The following FSTL5 variants were observed in gnomAD, a reference collection of about 807,000 sequenced individuals.
The protein encoded by FSTL5 is follistatin like 5.
A neutral mutation model predicts 89.1 loss-of-function variants in FSTL5; 62 were observed. The ratio of observed to expected loss-of-function variants is 0.70; its 90% CI spans 0.57 to 0.86. FSTL5 has a LOEUF of 0.86. Among genes scored for constraint, FSTL5 ranks in the 40% least tolerant of loss-of-function variants. The pLI, the probability that FSTL5 is intolerant of heterozygous loss-of-function variation, is 0.00. For synonymous variants in FSTL5, 383 were observed against 346.2 expected, an observed-to-expected ratio of 1.11 and a Z score of -1.18; for missense variants, 1,057 against 1,001.6, an observed-to-expected ratio of 1.06 and a Z score of -0.75.
At chr4:161,740,402 T>C (rs1386125055) in intron 6 of FSTL5, among the ~76,000 whole-genome samples, 1 of 152,098 alleles carries the variant, frequency 6.6e-6, no homozygotes, top group Non-Finnish European at 1.5e-5. Context: ...TTTTATATAC[T>C]ATCTAATTTG....
intron 15 of FSTL5, among the ~76,000 whole-genome samples, chr4:161,454,403 G>A (rs899020032): frequency 6.6e-6 from 1 of 152,120 alleles, no homozygotes; most frequent in African/African-American, 2.4e-5. Context: ...TTTATAACTA[G>A]AAGTTAATAT....
At chr4:161,531,599 T>C (rs990804196) in intron 10 of FSTL5, among the ~76,000 whole-genome samples, 6 of 152,200 alleles carry the variant, frequency 3.9e-5, no homozygotes, top group African/African-American at 1.4e-4. Flanking sequence ...CGGACTAAAG[T>C]GTAGCTTCTG....
chr4:162,084,918 A>G (rs1484059985), intron 2 of FSTL5, among the ~76,000 whole-genome samples: 1 of 152,128 alleles, frequency 6.6e-6, no homozygotes, highest in African/African-American at 2.4e-5. Context: ...AACTTAAAGT[A>G]TAATAGAATG....
intron 2 of FSTL5, among the ~76,000 whole-genome samples, chr4:162,105,698 T>C (rs549533013): frequency 1.3e-5 from 2 of 152,294 alleles, no homozygotes; most frequent in South Asian, 2.1e-4. Flanking sequence ...TATCAATATA[T>C]TAATTGGTAT....
rs553037794 is a variant in FSTL5, at chr4:162,073,161, A to T, written c.126+38110T>A. On this transcript the variant is annotated intron_variant, in intron 2 of 15. Coordinates refer to ENST00000306100, the MANE Select transcript of FSTL5 (RefSeq NM_020116.5). The stretch of plus-strand genomic sequence containing the variant: ...TATATATCTACATATGTATATAGAC[A>T]CATATAAACATACATATTAACATCC... Among the ~76,000 whole-genome samples the T allele has an allele frequency of 1.2e-3, 186 of 151,930 alleles. 1 individual carries two copies. The highest frequency in any genetic ancestry group is 2.5e-3 in the South Asian group (12 of 4,824).
At chr4:161,721,233 G>C (rs1264762900) in intron 6 of FSTL5, among the ~76,000 whole-genome samples, 2 of 132,268 alleles carry the variant, frequency 1.5e-5, no homozygotes, top group Non-Finnish European at 3.1e-5. Flanking sequence ...AGCCGAGATT[G>C]CGCCACTGCA....
chr4:161,442,100 C>G (rs527764807), intron 15 of FSTL5, among the ~76,000 whole-genome samples: 3 of 151,728 alleles, frequency 2.0e-5, no homozygotes, highest in Non-Finnish European at 4.4e-5. Context: ...ATAATTGTAA[C>G]CAATCAAGTA....
intron 4 of FSTL5, among the ~76,000 whole-genome samples, chr4:161,780,481 T>A (rs979311890): frequency 6.6e-6 from 1 of 152,194 alleles, no homozygotes; most frequent in Non-Finnish European, 1.5e-5. Flanking sequence ...TCCTCTGCTG[T>A]TCCTGTTCTA....
At chr4:161,479,069 AT>A (rs1382795846) in intron 13 of FSTL5, among the ~76,000 whole-genome samples, 1 of 152,088 alleles carries the variant, frequency 6.6e-6, no homozygotes, top group Non-Finnish European at 1.5e-5. Flanking sequence ...AATTATTATT[AT>A]AATAACATGG....
At chr4:161,571,466 A>T (rs546623332) in intron 8 of FSTL5, among the ~76,000 whole-genome samples, 2 of 152,274 alleles carry the variant, frequency 1.3e-5, no homozygotes, top group South Asian at 4.1e-4. Flanking sequence ...AAAAGAAAAA[A>T]GTCCACATCA....
chr4:161,964,803 C>T (rs1035806971), intron 3 of FSTL5, among the ~76,000 whole-genome samples: 1 of 151,952 alleles, frequency 6.6e-6, no homozygotes, highest in Non-Finnish European at 1.5e-5. Flanking sequence ...CTATATGTAA[C>T]CATTACATTT....
chr4:161,795,532 T>G (rs1242829968), intron 4 of FSTL5, among the ~76,000 whole-genome samples: 5 of 152,122 alleles, frequency 3.3e-5, no homozygotes, highest in African/African-American at 1.2e-4. Context: ...ATATATTTAA[T>G]GTGTTCAACA....
chr4:161,774,480 A>G (rs964614415), intron 5 of FSTL5, among the ~76,000 whole-genome samples: 2 of 152,162 alleles, frequency 1.3e-5, no homozygotes, highest in Admixed American at 1.3e-4. Flanking sequence ...AGCTTGAAAC[A>G]TGTATGAGTA....
chr4:161,410,113 C>A (rs1234682673), intron 15 of FSTL5, among the ~76,000 whole-genome samples: 1 of 151,470 alleles, frequency 6.6e-6, no homozygotes, highest in Admixed American at 6.6e-5. Flanking sequence ...AGACTTTAAA[C>A]CAATAAAATT....
chr4:161,916,559 T>C (rs1733845153), intron 4 of FSTL5, among the ~76,000 whole-genome samples: 1 of 152,200 alleles, frequency 6.6e-6, no homozygotes, highest in Non-Finnish European at 1.5e-5. Context: ...CATCACAAAG[T>C]ATCTGACGCC....
intron 4 of FSTL5, among the ~76,000 whole-genome samples, chr4:161,849,528 T>TAC (rs35353090): frequency 0.079 from 11,625 of 147,320 alleles, 493 homozygotes; most frequent in South Asian, 0.13. Context: ...GCCCTCGACC[T>TAC]ACACACACAC....
intron 4 of FSTL5, among the ~76,000 whole-genome samples, chr4:161,782,000 T>C (rs1741689447): frequency 6.6e-6 from 1 of 152,274 alleles, no homozygotes; most frequent in East Asian, 1.9e-4. Flanking sequence ...AGCATGTAGA[T>C]TTTTTTCAAA....
intron 8 of FSTL5, among the ~76,000 whole-genome samples, chr4:161,548,091 C>G (rs555795831): frequency 1.3e-5 from 2 of 151,818 alleles, no homozygotes; most frequent in Non-Finnish European, 2.9e-5. Flanking sequence ...ATTATTGCCT[C>G]TAGTTACAAT....
At chr4:161,980,919 C>T (rs531673301) in intron 3 of FSTL5, among the ~76,000 whole-genome samples, 41 of 151,558 alleles carry the variant, frequency 2.7e-4, no homozygotes, top group Non-Finnish European at 5.2e-4. Context: ...TGGGGTCACG[C>T]CCGGCTAATT....
Sources: allele counts gnomAD v4.1 joint callset (sites outside exome capture counted in the v4.1 genomes callset), GRCh38; gene constraint gnomAD v4.1.1; transcripts MANE v1.5; gene names NCBI Gene and HGNC (gene_info 2026-07-23, HGNC 2026-07-21).